CADPS: variants seen among roughly 807,000 people sequenced by gnomAD.
The protein encoded by CADPS is calcium dependent secretion activator.
Under a neutral mutation model 167.3 loss-of-function variants are expected in CADPS, and 57 were observed. That is an observed-to-expected ratio of 0.34 (90% CI 0.28 to 0.42). The LOEUF is 0.42. Ranked by LOEUF, CADPS falls within the 20% of genes least tolerant of loss-of-function variation. The pLI is 1.00. For missense variants in CADPS, 1,414 were observed against 1,738.1 expected, an observed-to-expected ratio of 0.81 and a Z score of 3.32; for synonymous variants, 676 against 635.3, an observed-to-expected ratio of 1.06 and a Z score of -0.96.
At chr3:62,503,826 G>A (rs1287141226) in intron 17 of CADPS, among the ~76,000 whole-genome samples, 1 of 152,154 alleles carries the variant, frequency 6.6e-6, no homozygotes, top group African/African-American at 2.4e-5. Context: ...CTCTCCTTCA[G>A]TACAGGCACA....
At chr3:62,685,538 A>G (rs540747634) in intron 3 of CADPS, among the ~76,000 whole-genome samples, 2 of 152,118 alleles carry the variant, frequency 1.3e-5, no homozygotes, top group South Asian at 4.1e-4. Flanking sequence ...TGACTTATTT[A>G]TATAGCTAGA....
chr3:62,717,289 T>C (rs1022515191), intron 3 of CADPS, among the ~76,000 whole-genome samples: 8 of 152,314 alleles, frequency 5.3e-5, no homozygotes, highest in Middle Eastern at 3.4e-3. Context: ...GAAAGATAAA[T>C]GCCAAATGGT....
chr3:62,806,516 CA>C (rs1022147935), intron 1 of CADPS, among the ~76,000 whole-genome samples: 20 of 152,180 alleles, frequency 1.3e-4, no homozygotes, highest in Non-Finnish European at 2.4e-4. Context: ...GACAACAGAG[CA>C]AAACCCTGTC....
chr3:62,780,933 C>T (rs2091449633), intron 1 of CADPS, among the ~76,000 whole-genome samples: 1 of 152,106 alleles, frequency 6.6e-6, no homozygotes, highest in Admixed American at 6.5e-5. Context: ...TATCATAGGG[C>T]TTGGCAGTAA....
At chr3:62,805,521 A>C (rs963354224) in intron 1 of CADPS, among the ~76,000 whole-genome samples, 24 of 152,180 alleles carry the variant, frequency 1.6e-4, no homozygotes, top group African/African-American at 5.8e-4. Flanking sequence ...TCTTCATTTA[A>C]AGATGAGTCA....
chr3:62,475,579 C>G (rs11717268), intron 23 of CADPS, among the ~76,000 whole-genome samples: 1 of 43,270 alleles, frequency 2.3e-5, no homozygotes, highest in South Asian at 1.1e-3. Context: ...GAGCCCAGTT[C>G]TTAAGAAAAA....
chr3:62,671,711 C>T (rs139161064), intron 3 of CADPS, among the ~76,000 whole-genome samples: 1 of 152,054 alleles, frequency 6.6e-6, no homozygotes, highest in Non-Finnish European at 1.5e-5. Context: ...TGAGGCTGCA[C>T]CTGGACCAAA....
intron 3 of CADPS, among the ~76,000 whole-genome samples, chr3:62,689,006 T>G (rs2078599034): frequency 6.6e-6 from 1 of 152,048 alleles, no homozygotes; most frequent in Admixed American, 6.6e-5. Flanking sequence ...TGAATAGGAA[T>G]AACAGTGTGA....
intron 1 of CADPS, among the ~76,000 whole-genome samples, chr3:62,839,949 A>G (rs1426480800): frequency 6.6e-6 from 1 of 152,124 alleles, no homozygotes; most frequent in Non-Finnish European, 1.5e-5. Flanking sequence ...TCTGGGAGGG[A>G]GAGCTGAAGT....
chr3:62,515,893 C>G lies in CADPS; in HGVS notation c.2581+166G>C, dbSNP rs149279642. On this transcript the variant is annotated intron_variant, in intron 16 of 29. Transcript: ENST00000383710. ...CCTGTAATGTCTTTTAATTCATTTA[C>G]TTGGCCACAGCCAAGGAAACTTCGA... Among the ~76,000 whole-genome samples the G allele has an allele frequency of 6.6e-5, 10 of 152,222 alleles. No individual in the cohort carries two copies. In the East Asian group the frequency reaches 1.7e-3, roughly 26 times the overall value.
chr3:62,407,275 C>T (rs1708864981), intron 28 of CADPS, among the ~76,000 whole-genome samples: 1 of 152,134 alleles, frequency 6.6e-6, no homozygotes, highest in East Asian at 1.9e-4. Flanking sequence ...GAAAATTATT[C>T]CCATTGGAAT....
At chr3:62,646,958 G>A (rs1410684827) in intron 5 of CADPS, among the ~76,000 whole-genome samples, 2 of 152,162 alleles carry the variant, frequency 1.3e-5, no homozygotes, top group Admixed American at 6.5e-5. Flanking sequence ...GGATCAAGAT[G>A]TATCATTTAC....
chr3:62,776,606 A>G (rs2090371191), intron 1 of CADPS, among the ~76,000 whole-genome samples: 4 of 152,130 alleles, frequency 2.6e-5, no homozygotes, highest in Non-Finnish European at 1.5e-5. Flanking sequence ...GTGAGTGGAG[A>G]TTGCGCCACT....
rs192333966 is a variant in CADPS, at chr3:62,481,084, T to C, written c.3173+639A>G. Among the ~76,000 whole-genome samples, 761 of 152,346 alleles carry C rather than the reference T, an allele frequency of 5.0e-3. 12 individuals are homozygous for C. Among genetic ancestry groups the C allele is most frequent in the Middle Eastern group, 0.044 (13 of 294 alleles). On this transcript the variant is annotated intron_variant, in intron 22 of 29. Coordinates refer to ENST00000383710, the MANE Select transcript of CADPS (RefSeq NM_003716.4). The stretch of plus-strand genomic sequence containing the variant: ...TGTTTGAATCTTGTGTTTCGAGAAT[T>C]ATTGAACTTCTCATTACCTAGCTCT...
chr3:62,487,572 T>C (rs1052882793), intron 21 of CADPS, among the ~76,000 whole-genome samples: 2 of 152,228 alleles, frequency 1.3e-5, no homozygotes, highest in African/African-American at 4.8e-5. Context: ...CACCAATTCA[T>C]AGAGATTCTA....
chr3:62,507,804 T>G (rs1421427492), intron 17 of CADPS, among the ~76,000 whole-genome samples: 1 of 152,166 alleles, frequency 6.6e-6, no homozygotes, highest in Non-Finnish European at 1.5e-5. Context: ...TACTATACAT[T>G]TCAACTTGGA....
At chr3:62,719,745 T>C (rs569946479) in intron 3 of CADPS, among the ~76,000 whole-genome samples, 1 of 152,322 alleles carries the variant, frequency 6.6e-6, no homozygotes, top group Non-Finnish European at 1.5e-5. Context: ...ACCAACTAAA[T>C]GGCCGTGATG....
At chr3:62,720,266 T>G (rs1251599078) in intron 3 of CADPS, among the ~76,000 whole-genome samples, 1 of 152,084 alleles carries the variant, frequency 6.6e-6, no homozygotes, top group Non-Finnish European at 1.5e-5. Flanking sequence ...AGGAATTATC[T>G]ATTTCATTTC....
At chr3:62,663,419 C>T (rs1445532745) in intron 3 of CADPS, among the ~76,000 whole-genome samples, 5 of 152,068 alleles carry the variant, frequency 3.3e-5, no homozygotes, top group East Asian at 3.9e-4. Context: ...ATTGAGTCTG[C>T]TTATTCAGAA....
Sources: allele counts gnomAD v4.1 joint callset (sites outside exome capture counted in the v4.1 genomes callset), GRCh38; gene constraint gnomAD v4.1.1; transcripts MANE v1.5; gene names NCBI Gene and HGNC (gene_info 2026-07-23, HGNC 2026-07-21).